PDE4D: variants seen among roughly 807,000 people sequenced by gnomAD.
PDE4D encodes phosphodiesterase 4D, also known as 3',5'-cyclic-AMP phosphodiesterase 4D.
PDE4D carries 24 observed loss-of-function variants against 87.4 expected under a neutral mutation model. The observed-to-expected ratio is 0.27, with a 90% CI of 0.20 to 0.39. The LOEUF (loss-of-function observed/expected upper bound fraction) is 0.39. PDE4D is among the 10% of genes least tolerant of loss of function. PDE4D has a pLI of 1.00. For missense variants in PDE4D, 714 were observed against 1,041.0 expected (o/e 0.69, Z 4.32); for synonymous variants, 384 against 383.2 (o/e 1.00, Z -0.02).
chr5:60,321,481 C>A (rs905049306), intron 1 of PDE4D, among the ~76,000 whole-genome samples: 22 of 152,152 alleles, frequency 1.4e-4, no homozygotes, highest in African/African-American at 5.1e-4. Context: ...GGACTTTGGT[C>A]TTGGCAAAGA....
In PDE4D at chr5:59,762,606, A is replaced by ATGGG. The variant is rs1446374543; in HGVS notation, c.455+130561_455+130562insCCCA. ...GGTACACATATGTGTATATGTGTATATAGGTACATATGTGTATATGTGTAT... is the reference window on the plus strand; with the variant it reads ...GGTACACATATGTGTATATGTGTATATGGGTAGGTACATATGTGTATATGTGTAT... On this transcript the variant is annotated intron_variant, in intron 1 of 14. Transcript: ENST00000340635. Among the ~76,000 whole-genome samples, 11 of 144,314 alleles carry ATGGG rather than the reference A, an allele frequency of 7.6e-5. 4 individuals are homozygous for ATGGG. Among genetic ancestry groups the ATGGG allele is most frequent in the Non-Finnish European group, 1.2e-4 (8 of 65,540 alleles). The allele number at this position is 144,314 out of a possible 152,430, so 94.7% of individuals were successfully genotyped here.
intron 1 of PDE4D, among the ~76,000 whole-genome samples, chr5:59,403,728 C>T (rs2153615442): frequency 6.6e-6 from 1 of 152,274 alleles, no homozygotes; most frequent in South Asian, 2.1e-4. Flanking sequence ...ACTTAGGTTG[C>T]TTCCAAATCT....
chr5:59,826,864 C>A (rs1385567227), intron 1 of PDE4D, among the ~76,000 whole-genome samples: 1 of 152,018 alleles, frequency 6.6e-6, no homozygotes, highest in Non-Finnish European at 1.5e-5. Context: ...TTTGAATAAT[C>A]TGACTAATAG....
At chr5:60,006,729 G>C (rs561221105) in intron 2 of PDE4D, among the ~76,000 whole-genome samples, 80 of 151,992 alleles carry the variant, frequency 5.3e-4, no homozygotes, top group African/African-American at 1.9e-3. Context: ...ATGATGCATA[G>C]GTCTAATCCA....
chr5:60,004,578 T>C (rs1676538364), intron 2 of PDE4D, among the ~76,000 whole-genome samples: 1 of 152,140 alleles, frequency 6.6e-6, no homozygotes, highest in Admixed American at 6.6e-5. Flanking sequence ...GGGCTGAGTG[T>C]ACCTGATATG....
rs192621579 is a variant in PDE4D at position 59,535,167 on chromosome 5, C to G, written c.456-319199G>C. ...GGTGAAAAGTGATATCCCTGGGAGTCCGAGCAAGTAGGGATGCATTTCTTA... is the reference window on the plus strand; with the variant it reads ...GGTGAAAAGTGATATCCCTGGGAGTGCGAGCAAGTAGGGATGCATTTCTTA... On this transcript the variant is annotated intron_variant, in intron 1 of 14. Transcript: ENST00000340635. 2.6e-5 allele frequency among the ~76,000 whole-genome samples: 4 copies of G among 151,792 alleles called. No individual in the cohort carries two copies. The East Asian group carries it at 7.7e-4, about 29-fold the overall frequency.
intron 1 of PDE4D, among the ~76,000 whole-genome samples, chr5:59,606,147 T>C (rs992270922): frequency 2.0e-5 from 3 of 152,042 alleles, no homozygotes; most frequent in African/African-American, 7.2e-5. Context: ...GAAAACACCC[T>C]TTCATCTATG....
At chr5:59,115,219 T>C (rs1773394043) in intron 5 of PDE4D, among the ~76,000 whole-genome samples, 1 of 152,176 alleles carries the variant, frequency 6.6e-6, no homozygotes. Context: ...TATAATTTTG[T>C]ATTTTTTGAT....
chr5:59,176,932 C>T (rs1783987175), intron 5 of PDE4D, among the ~76,000 whole-genome samples: 1 of 152,128 alleles, frequency 6.6e-6, no homozygotes, highest in Non-Finnish European at 1.5e-5. Flanking sequence ...ACAAAGCAAG[C>T]GCATCCATTT....
chr5:59,717,743 C>T (rs1307125382), intron 1 of PDE4D, among the ~76,000 whole-genome samples: 1 of 152,146 alleles, frequency 6.6e-6, no homozygotes, highest in African/African-American at 2.4e-5. Flanking sequence ...CAGACAAGCC[C>T]TTGACAAAAC....
rs528149926 is a variant in PDE4D at position 59,870,981 on chromosome 5, C to T, written c.455+22187G>A. 2.6e-5 allele frequency among the ~76,000 whole-genome samples: 4 copies of T among 152,282 alleles called. No individual in the cohort carries two copies. The South Asian group carries it at 6.2e-4, about 24-fold the overall frequency. On this transcript the variant is annotated intron_variant, in intron 1 of 14. Coordinates refer to ENST00000340635, the MANE Select transcript of PDE4D (RefSeq NM_001104631.2). ...CTACACACATAAATACACACTCACA[C>T]ATATACCTGCATAAACATAGAACAC...
At chr5:60,460,106 T>C in intron 1 of PDE4D, 1 of 1,605,132 alleles carries the variant, frequency 6.2e-7, no homozygotes, top group Non-Finnish European at 8.5e-7. Context: ...GTAAACCAGG[T>C]AAAGAAGCTC....
chr5:60,202,019 TTAAA>T (rs1437310355), intron 1 of PDE4D, among the ~76,000 whole-genome samples: 1 of 152,140 alleles, frequency 6.6e-6, no homozygotes, highest in African/African-American at 2.4e-5. Context: ...AATTCAAACT[TTAAA>T]TATGAAAAAG....
At chr5:60,260,782 T>G (rs1749568832) in intron 1 of PDE4D, among the ~76,000 whole-genome samples, 1 of 152,124 alleles carries the variant, frequency 6.6e-6, no homozygotes, top group African/African-American at 2.4e-5. Context: ...AATTTCACAA[T>G]GAGTTCCTAA....
chr5:59,575,531 G>T (rs1439073764), intron 1 of PDE4D, among the ~76,000 whole-genome samples: 5 of 152,228 alleles, frequency 3.3e-5, no homozygotes, highest in African/African-American at 1.2e-4. Context: ...CGGCAGGATG[G>T]TTGCTTCTAC....
At chr5:59,155,717 CT>C (rs1780077318) in intron 5 of PDE4D, among the ~76,000 whole-genome samples, 1 of 151,994 alleles carries the variant, frequency 6.6e-6, no homozygotes. Context: ...GAAGCAAGGA[CT>C]TGTGGGAGCT....
intron 1 of PDE4D, chr5:59,356,730 C>T (rs1781438102): frequency 6.4e-7 from 1 of 1,557,396 alleles, no homozygotes. Flanking sequence ...AACAATTCTT[C>T]CTAGCTACAA....
intron 2 of PDE4D, among the ~76,000 whole-genome samples, chr5:60,043,251 A>C (rs1768734874): frequency 1.3e-5 from 2 of 152,108 alleles, no homozygotes; most frequent in Admixed American, 6.5e-5. Flanking sequence ...TAGAGAAAAA[A>C]GAATGAAAGG....
chr5:58,977,997 T>G (rs1744205494), intron 11 of PDE4D, among the ~76,000 whole-genome samples: 1 of 152,088 alleles, frequency 6.6e-6, no homozygotes, highest in South Asian at 2.1e-4. Flanking sequence ...CTGTATACCC[T>G]CTGGTGAAGA....
Sources: gnomAD v4.1 joint callset for allele counts (sites outside exome capture counted in the v4.1 genomes callset) on GRCh38, gnomAD v4.1.1 for gene constraint, MANE v1.5 for transcripts, NCBI Gene and HGNC (gene_info 2026-07-23, HGNC 2026-07-21) for gene names.